Variants in RAD23B observed in about 807,000 individuals in gnomAD.
The protein encoded by RAD23B is RAD23 nucleotide excision repair protein B.
In RAD23B, 5 loss-of-function variants were observed where a neutral mutation model predicts 49.1. The ratio of observed to expected loss-of-function variants is 0.10; its 90% CI spans 0.05 to 0.21. RAD23B has a LOEUF of 0.21. Ranked by LOEUF, RAD23B falls within the 10% of genes least tolerant of loss-of-function variation. The pLI, the probability that RAD23B is intolerant of heterozygous loss-of-function variation, is 1.00. For missense variants in RAD23B, 356 were observed against 486.7 expected (o/e 0.73, Z 2.53); for synonymous variants, 184 against 165.4 (o/e 1.11, Z -0.86).
chr9:107,308,936 G>T (rs1826835671), intron 4 of RAD23B, among the ~76,000 whole-genome samples: 1 of 152,324 alleles, frequency 6.6e-6, no homozygotes, highest in East Asian at 1.9e-4. Flanking sequence ...CTGACGTTTT[G>T]TTATTAGGGA....
At position 107,331,596 on chromosome 9, in the gene RAD23B, G is replaced by C; in HGVS notation, c.*1940G>C. ...TCTTTCAAGTCAGAGCAATGAGTTG[G>C]GAAAAGAGGTGGCATTTCTGATCGG... is the stretch of plus-strand genomic sequence containing the variant. On this transcript the variant is annotated 3_prime_UTR_variant, in exon 10 of 10. Coordinates refer to ENST00000358015, the MANE Select transcript of RAD23B (RefSeq NM_002874.5). 1 of 730,116 alleles carries C rather than the reference G, an allele frequency of 1.4e-6. No individual in the cohort carries two copies. Among genetic ancestry groups the C allele is most frequent in the Admixed American group, 2.1e-5 (1 of 48,402 alleles). The allele number at this position is 730,116 out of a possible 1,614,324, so 45.2% of individuals were successfully genotyped here.
Position 107,317,095 on chromosome 9 carries a change from CGTGTGTGT to C in RAD23B, c.554-1638_554-1631del, listed in dbSNP as rs10603112. Among the ~76,000 whole-genome samples the C allele has an allele frequency of 5.5e-4, 83 of 149,766 alleles. 1 individual carries two copies. Among genetic ancestry groups the C allele is most frequent in the African/African-American group, 6.6e-4 (27 of 40,832 alleles). Reference sequence around the variant, plus strand: ...ATGAGGGGTTTTGCGCACACGCGTGCGTGTGTGTGTGTGTGTGTGTGTGTGTTTACTTG... The same window carrying C: ...ATGAGGGGTTTTGCGCACACGCGTGCGTGTGTGTGTGTGTGTGTTTACTTG... On this transcript the variant is annotated intron_variant, in intron 5 of 9. Coordinates refer to ENST00000358015, the MANE Select transcript of RAD23B (RefSeq NM_002874.5).
intron 3 of RAD23B, among the ~76,000 whole-genome samples, chr9:107,303,071 C>G (rs1258387523): frequency 1.3e-5 from 2 of 151,976 alleles, no homozygotes; most frequent in African/African-American, 2.4e-5. Context: ...TTTTAAGAGA[C>G]TATTTATATA....
In RAD23B at chr9:107,296,556, GTCTC is replaced by G. The variant is rs539356323; in HGVS notation, c.67-3577_67-3574del. On this transcript the variant is annotated intron_variant, in intron 1 of 9. Transcript: ENST00000358015. ...TAGTGCAAAAACAGTTTTGTGCCTT[GTCTC>G]TCTCTCTTTTTTTTTTTCTTTTTCT... 7.0e-4 allele frequency among the ~76,000 whole-genome samples: 106 copies of G among 150,552 alleles called. 1 individual carries two copies. Among genetic ancestry groups the G allele is most frequent in the South Asian group, 1.7e-3 (8 of 4,798 alleles).
At chr9:107,320,972 G>A (rs58278531) in intron 6 of RAD23B, among the ~76,000 whole-genome samples, 17,323 of 152,112 alleles carry the variant, frequency 0.11, 1,234 homozygotes, top group African/African-American at 0.2. Flanking sequence ...TTATTCAATT[G>A]TAATACTTGG....
chr9:107,296,827 A>T (rs1161642399), intron 1 of RAD23B, among the ~76,000 whole-genome samples: 1 of 146,936 alleles, frequency 6.8e-6, no homozygotes, highest in Admixed American at 6.8e-5. Context: ...GAGCCATGGC[A>T]CCCAGCTGCC....
At chr9:107,308,260 C>A (rs1438261458) in intron 4 of RAD23B, among the ~76,000 whole-genome samples, 1 of 150,376 alleles carries the variant, frequency 6.6e-6, no homozygotes, top group African/African-American at 2.5e-5. Flanking sequence ...GCTCTGCCAC[C>A]CAGGCAGGAG....
intron 1 of RAD23B, among the ~76,000 whole-genome samples, chr9:107,287,793 C>T (rs760045574): frequency 5.0e-5 from 7 of 138,664 alleles, no homozygotes; most frequent in Non-Finnish European, 9.0e-5. Flanking sequence ...GAGATCGCAC[C>T]ATTGCACTCC....
Position 107,329,769 on chromosome 9 carries a change from A to G in RAD23B, c.*113A>G. Reference sequence around the variant, plus strand: ...CACAATACTTGGTATAAGGTAGTAGATTGTTGGGGGTGGGGAGGGAGGGAT... The same window carrying G: ...CACAATACTTGGTATAAGGTAGTAGGTTGTTGGGGGTGGGGAGGGAGGGAT... On this transcript the variant is annotated 3_prime_UTR_variant, in exon 10 of 10. Coordinates refer to ENST00000358015, the MANE Select transcript of RAD23B (RefSeq NM_002874.5). The G allele has an allele frequency of 3.2e-6, 1 of 309,378 alleles. No homozygotes were observed. Among genetic ancestry groups the G allele is most frequent in the South Asian group, 2.8e-5 (1 of 35,562 alleles). 19.2% of individuals were successfully genotyped at this position (309,378 alleles called of 1,614,324 possible).
intron 1 of RAD23B, among the ~76,000 whole-genome samples, chr9:107,298,692 T>G (rs1301648412): frequency 6.6e-6 from 1 of 151,416 alleles, no homozygotes; most frequent in Non-Finnish European, 1.5e-5. Context: ...TTATTAATGT[T>G]CATTTAAAAA....
rs1358365296 is a variant in RAD23B, at chr9:107,296,565, TC to T, written c.67-3575del. ...AACAGTTTTGTGCCTTGTCTCTCTC[TC>T]TTTTTTTTTTTCTTTTTCTTGAGAC... On this transcript the variant is annotated intron_variant, in intron 1 of 9. Transcript: ENST00000358015. Among the ~76,000 whole-genome samples, 4 of 144,512 alleles carry T rather than the reference TC, an allele frequency of 2.8e-5. No homozygotes were observed. In the East Asian group the frequency reaches 7.7e-4, roughly 28 times the overall value. The allele number at this position is 144,512 out of a possible 152,430, so 94.8% of individuals were successfully genotyped here. A position where few individuals can be genotyped will look rare whatever the true frequency, so the allele number is the denominator to read the frequency against.
Position 107,298,367 on chromosome 9 carries a change from G to A in RAD23B, c.67-1774G>A, listed in dbSNP as rs532776333. 2.5e-3 allele frequency among the ~76,000 whole-genome samples: 383 copies of A among 151,772 alleles called. 2 individuals carry two copies. The highest frequency in any genetic ancestry group is 8.1e-3 in the African/African-American group (334 of 41,350). On this transcript the variant is annotated intron_variant, in intron 1 of 9. Coordinates refer to ENST00000358015, the MANE Select transcript of RAD23B (RefSeq NM_002874.5). ...CTCACTCTGTCACCCAGGCTGGAGT[G>A]CAGTGGTATGATCTTGGCCCACTGC...
Position 107,330,162 on chromosome 9 carries a change from A to G in RAD23B, c.*506A>G, listed in dbSNP as rs1415484056. On this transcript the variant is annotated 3_prime_UTR_variant, in exon 10 of 10. Transcript: ENST00000358015. The surrounding 1 kb of genome is among the most constrained non-coding windows in gnomAD (Gnocchi z 4.4). ...TTGATGGTTAATTGTTGCTGCTTCAAAAATAAGTATAAAATTAATATGTAA... is the reference window on the plus strand; with the variant it reads ...TTGATGGTTAATTGTTGCTGCTTCAGAAATAAGTATAAAATTAATATGTAA... 6.6e-6 allele frequency: 1 copy of G among 152,648 alleles called. No individual in the cohort carries two copies. The highest frequency in any genetic ancestry group is 1.5e-5 in the Non-Finnish European group (1 of 68,046). The allele number at this position is 152,648 out of a possible 1,614,324, so 9.5% of individuals were successfully genotyped here. A position where few individuals can be genotyped will look rare whatever the true frequency, so the allele number is the denominator to read the frequency against.
At chr9:107,312,247 CTG>C (rs1198252684) in intron 5 of RAD23B, among the ~76,000 whole-genome samples, 3 of 152,242 alleles carry the variant, frequency 2.0e-5, no homozygotes, top group Non-Finnish European at 4.4e-5. Flanking sequence ...TCACCCCAAT[CTG>C]TCAAAATGAA....
intron 5 of RAD23B, among the ~76,000 whole-genome samples, chr9:107,313,519 C>G (rs551339073): frequency 6.6e-6 from 1 of 152,134 alleles, no homozygotes; most frequent in Admixed American, 6.5e-5. Context: ...CCACAGTGCC[C>G]GGCCAGTTAA....
At chr9:107,321,044 CAA>C (rs1827100250) in intron 6 of RAD23B, among the ~76,000 whole-genome samples, 2 of 152,090 alleles carry the variant, frequency 1.3e-5, no homozygotes, top group South Asian at 4.1e-4. Context: ...TTTTAAATGA[CAA>C]GTCTATCAAT....
chr9:107,295,266 A>G (rs190273187), intron 1 of RAD23B, among the ~76,000 whole-genome samples: 5 of 152,054 alleles, frequency 3.3e-5, no homozygotes, highest in Non-Finnish European at 7.4e-5. Flanking sequence ...CTAGGAGGAG[A>G]CGTGATTGTT....
intron 1 of RAD23B, among the ~76,000 whole-genome samples, chr9:107,290,935 T>C (rs892826195): frequency 6.6e-6 from 1 of 152,224 alleles, no homozygotes. Flanking sequence ...TTAACCCTAC[T>C]GTGGCACAGT....
At chr9:107,309,489 AG>A (rs1212838367) in intron 4 of RAD23B, among the ~76,000 whole-genome samples, 3 of 152,248 alleles carry the variant, frequency 2.0e-5, no homozygotes, top group Non-Finnish European at 4.4e-5. Flanking sequence ...GTAGAAGAAA[AG>A]AAGGCAAGCG....
Sources: gnomAD v4.1 joint callset for allele counts (sites outside exome capture counted in the v4.1 genomes callset) on GRCh38, gnomAD v4.1.1 for gene constraint, Gnocchi (gnomAD v3.1) non-coding constraint, MANE v1.5 for transcripts, NCBI Gene and HGNC (gene_info 2026-07-23, HGNC 2026-07-21) for gene names.